COL6A3: variants seen among roughly 807,000 people sequenced by gnomAD.
COL6A3 encodes collagen type VI alpha 3 chain.
COL6A3 carries 137 observed loss-of-function variants against 274.1 expected under a neutral mutation model. The ratio of observed to expected loss-of-function variants is 0.50; its 90% CI spans 0.44 to 0.58. The LOEUF (loss-of-function observed/expected upper bound fraction) is 0.58, where lower values mean the gene tolerates loss of function less well. Among genes scored for constraint, COL6A3 ranks in the 20% least tolerant of loss-of-function variants. The pLI is 0.00. For missense variants in COL6A3, 3,950 were observed against 4,124.9 expected (o/e 0.96, Z 1.16); for synonymous variants, 1,650 against 1,650.6 (o/e 1.00, Z 0.01).
intron 28 of COL6A3, 126 bp downstream of exon 28, chr2:237,350,021 T>C: frequency 1.1e-6 from 1 of 929,088 alleles, no homozygotes; most frequent in East Asian, 2.4e-5. Context: ...AGTTTCAGTA[T>C]TTCCAGCCGT....
At chr2:237,367,349 C>A in intron 10 of COL6A3, 63 bp from the exon 11 acceptor site, 1 of 1,543,942 alleles carries the variant, frequency 6.5e-7, no homozygotes, top group Non-Finnish European at 8.7e-7. Flanking sequence ...CATAAATACA[C>A]AAAAGGTAAA....
At chr2:237,412,049 C>T (rs1165465972) in intron 1 of COL6A3, among the ~76,000 whole-genome samples, 2 of 152,212 alleles carry the variant, frequency 1.3e-5, no homozygotes, top group African/African-American at 4.8e-5. Context: ...TGGCTTCTCT[C>T]GACCATGAGT....
chr2:237,363,372 G>A lies in COL6A3; in HGVS notation c.5944C>T (p.Leu1982Phe), dbSNP rs1216219949. The change falls in exon 14 of 44, where the codon CTT (leucine) becomes TTT (phenylalanine). Residue 1982 changes from leucine to phenylalanine, a missense_variant. Physicochemically the swap from Leu to Phe is conservative, Grantham distance 22. Around this residue, in one of 5 missense-constraint regions of COL6A3, gnomAD observed 632 missense variants for 623.4 expected, o/e 1.01. Coordinates refer to ENST00000295550, the MANE Select transcript of COL6A3 (RefSeq NM_004369.4). ...EGVRALILVG[L>F]ERVVNLERLM... ...CGCTCCAAGTTGACCACTCGTTCAA[G>A]GCCCACCAGGATCAAGGCACGGACT... The A allele has an allele frequency of 6.2e-7, 1 of 1,614,076 alleles. No homozygotes were observed. The highest frequency in any genetic ancestry group is 8.5e-7 in the Non-Finnish European group (1 of 1,180,032).
In COL6A3 at chr2:237,407,244, A is replaced by G. The variant is rs2078743503; in HGVS notation, c.-31+6709T>C. On this transcript the variant is annotated intron_variant, in intron 1 of 43. Transcript: ENST00000295550. This position sits in a 1 kb window ranked among gnomAD's most constrained non-coding sequence, Gnocchi z 4.3. Reference sequence around the variant, plus strand: ...TTCTATTCTATGAAAATACTCTAGAACAATAATCTGTTTGACTCAAACTGA... The same window carrying G: ...TTCTATTCTATGAAAATACTCTAGAGCAATAATCTGTTTGACTCAAACTGA... 6.6e-6 allele frequency among the ~76,000 whole-genome samples: 1 copy of G among 152,172 alleles called. No homozygotes were observed. The highest frequency in any genetic ancestry group is 6.5e-5 in the Admixed American group (1 of 15,274).
chr2:237,339,377 G>A (rs1332179015), intron 38 of COL6A3, among the ~76,000 whole-genome samples: 1 of 152,224 alleles, frequency 6.6e-6, no homozygotes, highest in Non-Finnish European at 1.5e-5. Flanking sequence ...TATCCAACAT[G>A]AGAGAGAAGA....
intron 4 of COL6A3, among the ~76,000 whole-genome samples, chr2:237,384,847 C>T (rs573105835): frequency 6.6e-6 from 1 of 152,266 alleles, no homozygotes; most frequent in South Asian, 2.1e-4. Context: ...CTTCTCATCC[C>T]CCTACAGCAG....
chr2:237,369,005 T>A lies in COL6A3; in HGVS notation c.4458A>T (p.Pro1486=), dbSNP rs1270406566. 1 of 1,614,250 alleles carries A rather than the reference T, an allele frequency of 6.2e-7. No individual in the cohort carries two copies. The highest frequency in any genetic ancestry group is 8.5e-7 in the Non-Finnish European group (1 of 1,180,048). ...ATCTGTAGGTTTTCAGATAGAATTC[T>A]GGGAAGACATCATTGCTGAACTGCA... ...GVVQFSNDVF[P]EFYLKTYRSQ... Residue 1486 remains proline (P), a synonymous_variant, in exon 10 of 44, where the codon CCA becomes CCT. Coordinates refer to ENST00000295550, the MANE Select transcript of COL6A3 (RefSeq NM_004369.4).
At chr2:237,398,902 A>G (rs1053834261) in intron 1 of COL6A3, among the ~76,000 whole-genome samples, 2 of 152,220 alleles carry the variant, frequency 1.3e-5, no homozygotes, top group African/African-American at 4.8e-5. Context: ...CATGTTATCA[A>G]AAGTTATTCA....
chr2:237,371,311 A>T lies in COL6A3; in HGVS notation c.4285+421T>A, dbSNP rs2077680096. Among the ~76,000 whole-genome samples the T allele has an allele frequency of 6.6e-6, 1 of 152,084 alleles. No individual in the cohort carries two copies. Among genetic ancestry groups the T allele is most frequent in the African/African-American group, 2.4e-5 (1 of 41,408 alleles). ...CTGGCTGGTGGGCATGAAGAACATA[A>T]AGGTGCTGGGCGCGGTGTCTCAGGC... On this transcript the variant is annotated intron_variant, in intron 9 of 43. Coordinates refer to ENST00000295550, the MANE Select transcript of COL6A3 (RefSeq NM_004369.4). The surrounding 1 kb of genome is among the most constrained non-coding windows in gnomAD (Gnocchi z 4.3).
rs1208109275 is a variant in COL6A3, at chr2:237,359,021, G to T, written c.6408+14C>A. On this transcript the variant is annotated intron_variant, in intron 20 of 43. Transcript: ENST00000295550. The stretch of plus-strand genomic sequence containing the variant: ...ATTCTTTCCATAATAGCACCACCGT[G>T]GAAATACACCTACCCTTCTTCCAGG... 1.2e-6 allele frequency: 2 copies of T among 1,612,092 alleles called. No homozygotes were observed. Among genetic ancestry groups the T allele is most frequent in the Admixed American group, 3.3e-5 (2 of 60,014 alleles).
Position 237,344,432 on chromosome 2 carries a change from G to A in COL6A3, c.7586C>T (p.Ala2529Val), listed in dbSNP as rs146938113. ...PTRASPQLRE[A>V]VLKLSDAGIT... ...CCCCGCATCTGAGAGCTTGAGCACA[G>A]CCTCTCTGAGCTGTGGGGATGCTCT... The change falls in exon 36 of 44, where the codon GCT becomes GTT. Residue 2529 changes from alanine to valine, a missense_variant. Physicochemically the swap from Ala to Val is moderately conservative, Grantham distance 64. Around this residue, in one of 5 missense-constraint regions of COL6A3, gnomAD observed 1,284 missense variants for 1,349.7 expected, o/e 0.95. Transcript: ENST00000295550. The surrounding 1 kb of genome is among the most constrained non-coding windows in gnomAD (Gnocchi z 4.8). 15 of 1,614,088 alleles carry A rather than the reference G, an allele frequency of 9.3e-6. No individual in the cohort carries two copies. The highest frequency in any genetic ancestry group is 1.3e-5 in the Non-Finnish European group (15 of 1,180,030).
At position 237,361,946 on chromosome 2, in the gene COL6A3, A is replaced by G; in HGVS notation, c.6064-115T>C. On this transcript the variant is annotated intron_variant, in intron 14 of 43. Coordinates refer to ENST00000295550, the MANE Select transcript of COL6A3 (RefSeq NM_004369.4). This position sits in a 1 kb window ranked among gnomAD's most constrained non-coding sequence, Gnocchi z 5.1. ...TGTGGGGGTTTCACGGTGTGAGATGAAGTCCCTCCAGGTGACATTTGCTGG... is the reference window on the plus strand; with the variant it reads ...TGTGGGGGTTTCACGGTGTGAGATGGAGTCCCTCCAGGTGACATTTGCTGG... 1 of 908,468 alleles carries G rather than the reference A, an allele frequency of 1.1e-6. No homozygotes were observed. The highest frequency in any genetic ancestry group is 1.4e-5 in the South Asian group (1 of 73,214). The allele number at this position is 908,468 out of a possible 1,614,324, so 56.3% of individuals were successfully genotyped here.
At chr2:237,359,279 T>C (rs1434473099) in intron 18 of COL6A3, 29 bp from the exon 19 acceptor site, 1 of 1,613,976 alleles carries the variant, frequency 6.2e-7, no homozygotes, top group African/African-American at 1.3e-5. Flanking sequence ...GACAGGTAAG[T>C]ATAGAAAGCT....
intron 42 of COL6A3, chr2:237,332,880 G>A (rs1700334157): frequency 6.4e-6 from 1 of 156,824 alleles, no homozygotes; most frequent in Admixed American, 6.1e-5. Context: ...GTCAGTTCCT[G>A]AATTACACCT....
intron 42 of COL6A3, chr2:237,327,567 A>C (rs1209782715): frequency 6.6e-6 from 1 of 152,314 alleles, no homozygotes; most frequent in East Asian, 1.9e-4. Flanking sequence ...AGACCCTGTA[A>C]GATTTACTAG....
chr2:237,359,121 C>T (rs2077380192), intron 19 of COL6A3, 33 bp from the exon 20 acceptor site: 1 of 1,613,672 alleles, frequency 6.2e-7, no homozygotes, highest in Non-Finnish European at 8.5e-7. Context: ...GTCACACCTG[C>T]TGCAATTTCT....
At chr2:237,409,292 TTTA>T (rs2078795898) in intron 1 of COL6A3, among the ~76,000 whole-genome samples, 1 of 148,762 alleles carries the variant, frequency 6.7e-6, no homozygotes, top group South Asian at 2.1e-4. Context: ...ATTCTCTTTT[TTTA>T]TTATTTTATT....
intron 12 of COL6A3, 37 bp downstream of exon 12, chr2:237,365,661 T>C: frequency 6.2e-7 from 1 of 1,604,692 alleles, no homozygotes; most frequent in Non-Finnish European, 8.5e-7. Flanking sequence ...ATTTGGAAAT[T>C]TCCCAGGGAG....
intron 42 of COL6A3, chr2:237,328,521 G>A (rs778057647): frequency 1.3e-5 from 2 of 152,182 alleles, no homozygotes; most frequent in Non-Finnish European, 2.9e-5. Context: ...GCTATGCATC[G>A]GGTCACTATT....
Sources: gnomAD v4.1 joint callset for allele counts (sites outside exome capture counted in the v4.1 genomes callset) on GRCh38, gnomAD v4.1.1 for gene constraint, gnomAD v4.1.1 regional missense constraint, Gnocchi (gnomAD v3.1) non-coding constraint, MANE v1.5 for transcripts, NCBI Gene and HGNC (gene_info 2026-07-23, HGNC 2026-07-21) for gene names.